The following PLSCR4 variants were observed in gnomAD, a reference collection of about 807,000 sequenced individuals.
The protein encoded by PLSCR4 is Ca(2+)-dependent phospholipid scramblase 4.
Under a neutral mutation model 36.3 loss-of-function variants are expected in PLSCR4, and 25 were observed. That is an observed-to-expected ratio of 0.69 (90% confidence interval 0.50 to 0.96). PLSCR4 has a LOEUF of 0.96. PLSCR4 is among the 40% of genes least tolerant of loss of function. The probability of loss-of-function intolerance (pLI) is 0.00; values close to 1 mark genes in which losing one functional copy is unlikely to be tolerated. For missense variants in PLSCR4, 408 were observed against 414.7 expected, an observed-to-expected ratio of 0.98 and a Z score of 0.14; for synonymous variants, 122 against 132.9, an observed-to-expected ratio of 0.92 and a Z score of 0.56.
intron 4 of PLSCR4, among the ~76,000 whole-genome samples, chr3:146,206,198 G>C (rs1345976843): frequency 1.3e-5 from 2 of 151,946 alleles, no homozygotes; most frequent in Non-Finnish European, 2.9e-5. Context: ...GATGTTAACT[G>C]TTTACTTCTA....
intron 1 of PLSCR4, among the ~76,000 whole-genome samples, chr3:146,226,536 C>A (rs1175037307): frequency 6.6e-6 from 1 of 152,132 alleles, no homozygotes; most frequent in Non-Finnish European, 1.5e-5. Flanking sequence ...TGCTGAATCT[C>A]AGTGCAGAAA....
chr3:146,239,259 C>CA (rs768971071), intron 1 of PLSCR4, among the ~76,000 whole-genome samples: 9 of 151,984 alleles, frequency 5.9e-5, no homozygotes, highest in Non-Finnish European at 1.0e-4. Flanking sequence ...AAAAGGGTCC[C>CA]ATAAAGGCCA....
intron 3 of PLSCR4, among the ~76,000 whole-genome samples, chr3:146,208,094 C>A (rs930697364): frequency 6.6e-6 from 1 of 151,998 alleles, no homozygotes; most frequent in Non-Finnish European, 1.5e-5. Flanking sequence ...GGCACATAGA[C>A]CAATGGAACA....
intron 3 of PLSCR4, among the ~76,000 whole-genome samples, chr3:146,216,639 A>T (rs2034904531): frequency 6.6e-6 from 1 of 152,182 alleles, no homozygotes; most frequent in African/African-American, 2.4e-5. Context: ...TAGCTGACGT[A>T]TCAGGAGTAG....
intron 6 of PLSCR4, among the ~76,000 whole-genome samples, chr3:146,197,007 G>A (rs1234789829): frequency 1.3e-5 from 2 of 152,170 alleles, no homozygotes; most frequent in Non-Finnish European, 2.9e-5. Context: ...CTCTGGGATA[G>A]ACAGCAGGCT....
At chr3:146,218,904 AAG>A (rs1342628630) in intron 3 of PLSCR4, among the ~76,000 whole-genome samples, 2 of 152,204 alleles carry the variant, frequency 1.3e-5, no homozygotes, top group African/African-American at 2.4e-5. Context: ...TCTCTTAAAC[AAG>A]AATAGTGGAT....
chr3:146,237,544 G>C (rs544772727), intron 1 of PLSCR4, among the ~76,000 whole-genome samples: 3 of 151,938 alleles, frequency 2.0e-5, no homozygotes, highest in Non-Finnish European at 4.4e-5. Context: ...GAACACAATG[G>C]AAAACTAAAT....
At chr3:146,213,239 A>C (rs971437556) in intron 3 of PLSCR4, among the ~76,000 whole-genome samples, 4 of 152,036 alleles carry the variant, frequency 2.6e-5, no homozygotes, top group African/African-American at 9.7e-5. Flanking sequence ...TGGCCTCTAG[A>C]ATTAGCTAGG....
chr3:146,242,004 G>A (rs2036169676), intron 1 of PLSCR4, among the ~76,000 whole-genome samples: 1 of 152,154 alleles, frequency 6.6e-6, no homozygotes, highest in African/African-American at 2.4e-5. Context: ...CTTGTAACAA[G>A]TAGCTGAGTC....
chr3:146,234,721 G>A (rs1171511841), intron 1 of PLSCR4, among the ~76,000 whole-genome samples: 3 of 152,140 alleles, frequency 2.0e-5, no homozygotes, highest in Non-Finnish European at 4.4e-5. Context: ...TGCAGCTTGG[G>A]ATTGTCCCTA....
chr3:146,218,776 C>T (rs1382654568), intron 3 of PLSCR4, among the ~76,000 whole-genome samples: 1 of 152,104 alleles, frequency 6.6e-6, no homozygotes, highest in Non-Finnish European at 1.5e-5. Flanking sequence ...GTTGTCCTAC[C>T]AATACTGGTG....
intron 1 of PLSCR4, among the ~76,000 whole-genome samples, chr3:146,241,395 A>G (rs2036145022): frequency 6.6e-6 from 1 of 152,222 alleles, no homozygotes; most frequent in South Asian, 2.1e-4. Flanking sequence ...TCTCACAAGT[A>G]GATTTCAGAG....
intron 1 of PLSCR4, among the ~76,000 whole-genome samples, chr3:146,244,561 C>A (rs2036271860): frequency 6.6e-6 from 1 of 152,024 alleles, no homozygotes; most frequent in South Asian, 2.1e-4. Flanking sequence ...GATCAGTGAT[C>A]TTTGATGTTA....
chr3:146,222,695 G>A (rs1374015775), intron 1 of PLSCR4, among the ~76,000 whole-genome samples: 1 of 152,212 alleles, frequency 6.6e-6, no homozygotes, highest in African/African-American at 2.4e-5. Context: ...GATCTCATCT[G>A]AAGGCCATGG....
intron 6 of PLSCR4, among the ~76,000 whole-genome samples, chr3:146,197,680 T>A (rs2033821172): frequency 6.6e-6 from 1 of 152,152 alleles, no homozygotes; most frequent in African/African-American, 2.4e-5. Flanking sequence ...ATCTTCCTGT[T>A]TAATAATAAT....
intron 1 of PLSCR4, among the ~76,000 whole-genome samples, chr3:146,237,251 A>G (rs2107838495): frequency 6.6e-6 from 1 of 152,304 alleles, no homozygotes; most frequent in African/African-American, 2.4e-5. Flanking sequence ...CATAAAGAGA[A>G]GAAAAAATTA....
intron 1 of PLSCR4, among the ~76,000 whole-genome samples, chr3:146,238,431 C>T (rs376759455): frequency 2.0e-5 from 3 of 151,830 alleles, no homozygotes; most frequent in Admixed American, 1.3e-4. Context: ...CCACAATATA[C>T]CACAATACAC....
intron 7 of PLSCR4, 59 bp from the exon 8 acceptor site, chr3:146,195,341 G>A: frequency 7.6e-7 from 1 of 1,310,534 alleles, no homozygotes; most frequent in Admixed American, 1.7e-5. Context: ...ATGTTTTAAT[G>A]TTCTGCTTAT....
At chr3:146,196,368 T>G in intron 7 of PLSCR4, 1 of 377,388 alleles carries the variant, frequency 2.6e-6, no homozygotes, top group Non-Finnish European at 4.9e-6. Flanking sequence ...GGTCAAGCTA[T>G]TTACTCTCAG....
Sources: allele counts gnomAD v4.1 joint callset (sites outside exome capture counted in the v4.1 genomes callset), GRCh38; gene constraint gnomAD v4.1.1; transcripts MANE v1.5; gene names NCBI Gene and HGNC (gene_info 2026-07-23, HGNC 2026-07-21).